CWF19L1: variants seen among roughly 807,000 people sequenced by gnomAD.
CWF19L1 encodes CWF19 like cell cycle control factor 1.
Under a neutral mutation model 69.7 loss-of-function variants are expected in CWF19L1, and 60 were observed. The ratio of observed to expected loss-of-function variants is 0.86; its 90% CI spans 0.70 to 1.07. The LOEUF (loss-of-function observed/expected upper bound fraction) is 1.07. CWF19L1 is among the 50% of genes least tolerant of loss of function. The probability of loss-of-function intolerance (pLI) is 0.00; values close to 1 mark genes in which losing one functional copy is unlikely to be tolerated. For missense variants in CWF19L1, 591 were observed against 638.9 expected (o/e 0.92, Z 0.81); for synonymous variants, 209 against 222.2 (o/e 0.94, Z 0.53).
chr10:100,238,934 A>T (rs1846546497), intron 10 of CWF19L1, among the ~76,000 whole-genome samples: 2 of 62,976 alleles, frequency 3.2e-5, no homozygotes, highest in South Asian at 1.0e-3. Context: ...TCCGTCTCCA[A>T]AAAAAAAAAA....
chr10:100,244,580 C>A (rs1846748149), intron 9 of CWF19L1, among the ~76,000 whole-genome samples: 1 of 152,162 alleles, frequency 6.6e-6, no homozygotes, highest in African/African-American at 2.4e-5. Flanking sequence ...TGGTCTCGAT[C>A]TCCTGACCTC....
intron 13 of CWF19L1, 88 bp downstream of exon 13, chr10:100,235,578 AT>A: frequency 1.1e-6 from 1 of 880,192 alleles, no homozygotes; most frequent in Non-Finnish European, 1.8e-6. Flanking sequence ...ACTGTTTACA[AT>A]TTAGCTTTTT....
intron 4 of CWF19L1, among the ~76,000 whole-genome samples, 189 bp downstream of exon 4, chr10:100,260,029 A>G (rs1847344669): frequency 6.6e-6 from 1 of 152,048 alleles, no homozygotes; most frequent in Admixed American, 6.5e-5. Flanking sequence ...TTAGCCGGGT[A>G]TGGTCACACA....
intron 1 of CWF19L1, among the ~76,000 whole-genome samples, chr10:100,266,682 A>ATTTTTTT (rs35028554): frequency 0.054 from 7,227 of 134,888 alleles, 724 homozygotes; most frequent in African/African-American, 0.19. Flanking sequence ...CGCCTGGCTA[A>ATTTTTTT]TTTTTTTTTT....
In CWF19L1 at chr10:100,233,251, G is replaced by C. The variant is rs1466619477; in HGVS notation, c.1593C>G (p.Pro531=). The stretch of plus-strand genomic sequence containing the variant: ...TTTAGTCATCCAGAGTAAAGTCATA[G>C]GGCTCAAAGTCTTTCCGGAAGCGGC... ...LARRFRKDFE[P]YDFTLDD Residue 531 remains proline, a synonymous_variant, in exon 14 of 14, where the codon CCC becomes CCG. Coordinates refer to ENST00000354105, the MANE Select transcript of CWF19L1 (RefSeq NM_018294.6). 3 of 1,613,180 alleles carry C rather than the reference G, an allele frequency of 1.9e-6. No homozygotes were observed. The Admixed American group carries it at 5.0e-5, about 27-fold the overall frequency.
chr10:100,243,664 C>T, intron 10 of CWF19L1, 34 bp downstream of exon 10: 1 of 1,555,242 alleles, frequency 6.4e-7, no homozygotes, highest in South Asian at 1.1e-5. Flanking sequence ...AAATAGGCAT[C>T]TCCTTCTCTA....
At chr10:100,244,635 G>A (rs1368620140) in intron 9 of CWF19L1, among the ~76,000 whole-genome samples, 2 of 151,812 alleles carry the variant, frequency 1.3e-5, no homozygotes, top group South Asian at 2.1e-4. Context: ...GATTATAGGC[G>A]TGAGCCACCG....
chr10:100,250,961 T>TAA (rs1181690145), intron 6 of CWF19L1, among the ~76,000 whole-genome samples: 1 of 140,124 alleles, frequency 7.1e-6, no homozygotes, highest in African/African-American at 2.6e-5. Context: ...AAAAAAAAAT[T>TAA]AAAAAAAAAA....
At chr10:100,243,435 A>C (rs71488049) in intron 10 of CWF19L1, among the ~76,000 whole-genome samples, 9,610 of 152,264 alleles carry the variant, frequency 0.063, 340 homozygotes, top group African/African-American at 0.095. Context: ...CAAACTATGG[A>C]GATAGTAAGT....
At chr10:100,245,030 T>G (rs1024633614) in intron 9 of CWF19L1, among the ~76,000 whole-genome samples, 2 of 151,786 alleles carry the variant, frequency 1.3e-5, no homozygotes, top group Admixed American at 6.6e-5. Context: ...ATCAACTTTT[T>G]TTTTTTTTTT....
chr10:100,236,939 T>C lies in CWF19L1; in HGVS notation c.1285A>G (p.Thr429Ala), dbSNP rs908060778. 6 of 1,607,924 alleles carry C rather than the reference T, an allele frequency of 3.7e-6. No homozygotes were observed. The South Asian group carries it at 6.7e-5, about 18-fold the overall frequency. ...ATGAAGGCATCTTTAATGTCATCAG[T>C]AGTAGAGCAGCTGATTGGGACAGGA... ...VIPVPISCST[T>A]DDIKDAFITQ... The change falls in exon 12 of 14, where the codon ACT becomes GCT. Residue 429 changes from threonine (T) to alanine (A), a missense_variant. Thr to Ala is a moderately conservative substitution (Grantham distance 58). Around this residue, in one of 3 missense-constraint regions of CWF19L1, gnomAD observed 458 missense variants for 489.3 expected, o/e 0.94. Coordinates refer to ENST00000354105, the MANE Select transcript of CWF19L1 (RefSeq NM_018294.6).
chr10:100,232,838 T>C lies in CWF19L1; in HGVS notation c.*389A>G, dbSNP rs1007184415. On this transcript the variant is annotated 3_prime_UTR_variant, in exon 14 of 14. Transcript: ENST00000354105. ...GGGAAACAGTCCCCATGGGAGATTG[T>C]AGTTTCTTTAAAAATAGGCTTCTAG... The C allele has an allele frequency of 6.5e-6, 1 of 154,448 alleles. No homozygotes were observed. The highest frequency in any genetic ancestry group is 1.4e-5 in the Non-Finnish European group (1 of 69,574). 9.6% of individuals were successfully genotyped at this position (154,448 alleles called of 1,614,324 possible). A position where few individuals can be genotyped will look rare whatever the true frequency, so the allele number is the denominator to read the frequency against.
In CWF19L1 at chr10:100,235,729, T is replaced by C. The variant is rs781049647; in HGVS notation, c.1410A>G (p.Glu470=). 7.4e-6 allele frequency: 12 copies of C among 1,612,244 alleles called. No homozygotes were observed. The Admixed American group carries it at 1.0e-4, about 13-fold the overall frequency. The change falls in exon 13 of 14, where the codon GAA becomes GAG. Residue 470 remains glutamate (E), a synonymous_variant. Transcript: ENST00000354105. ...AQPGAAYFYV[E]LDTGEKLFHR... is the part of the protein sequence containing the mutation. ...GGAAAAGCTTTTCTCCTGTGTCAAG[T>C]TCAACATAAAAATATGCTGCTCCTG...
chr10:100,245,591 C>A (rs145273897), intron 9 of CWF19L1, among the ~76,000 whole-genome samples: 1 of 152,146 alleles, frequency 6.6e-6, no homozygotes, highest in African/African-American at 2.4e-5. Context: ...CAGAAACCTT[C>A]ATACATTGCC....
intron 13 of CWF19L1, among the ~76,000 whole-genome samples, chr10:100,234,725 G>A (rs529022293): frequency 8.5e-5 from 13 of 152,272 alleles, no homozygotes; most frequent in African/African-American, 3.1e-4. Flanking sequence ...CAGATACTCT[G>A]TTCTACACAT....
At chr10:100,253,672 A>G in intron 5 of CWF19L1, 133 bp from the exon 6 acceptor site, 1 of 580,708 alleles carries the variant, frequency 1.7e-6, no homozygotes, top group East Asian at 2.8e-5. Flanking sequence ...CTGCACATTG[A>G]ATTTCATAAG....
At chr10:100,261,275 A>G (rs1186579528) in intron 2 of CWF19L1, among the ~76,000 whole-genome samples, 1 of 152,216 alleles carries the variant, frequency 6.6e-6, no homozygotes, top group Non-Finnish European at 1.5e-5. Context: ...GATGGGTAAG[A>G]GAGAGTCAAG....
rs11817069 is a variant in CWF19L1 at position 100,265,936 on chromosome 10, G to A, written c.23+1635C>T. Among the ~76,000 whole-genome samples, 1,499 of 152,224 alleles carry A rather than the reference G, an allele frequency of 9.8e-3. 26 individuals are homozygous for A. The highest frequency in any genetic ancestry group is 0.035 in the African/African-American group (1,443 of 41,528). On this transcript the variant is annotated intron_variant, in intron 1 of 13. Transcript: ENST00000354105. ...ACGTACAGCTATACCATTTAGCCTA[G>A]GTGTACAGGAAGCCATACCATCTAG...
chr10:100,257,920 A>G (rs891828473), intron 4 of CWF19L1, among the ~76,000 whole-genome samples: 2 of 152,058 alleles, frequency 1.3e-5, no homozygotes, highest in Admixed American at 1.3e-4. Context: ...TCCAAAGCCT[A>G]TACTCTTCAA....
Sources: allele counts gnomAD v4.1 joint callset (sites outside exome capture counted in the v4.1 genomes callset), GRCh38; gene constraint gnomAD v4.1.1; regional missense constraint gnomAD v4.1.1; transcripts MANE v1.5; gene names NCBI Gene and HGNC (gene_info 2026-07-23, HGNC 2026-07-21).